The following SETD2 variants were observed in gnomAD, a reference collection of about 807,000 sequenced individuals.
SETD2 encodes SET domain containing 2, histone lysine methyltransferase.
SETD2 carries 31 observed loss-of-function variants against 242.1 expected under a neutral mutation model. The observed-to-expected ratio is 0.13, with a 90% CI of 0.10 to 0.17. The LOEUF is 0.17. Among genes scored for constraint, SETD2 ranks in the 10% least tolerant of loss-of-function variants. SETD2 has a pLI of 1.00. For missense variants in SETD2, 2,481 were observed against 3,046.3 expected, an observed-to-expected ratio of 0.81 and a Z score of 4.37; for synonymous variants, 1,006 against 1,066.5, an observed-to-expected ratio of 0.94 and a Z score of 1.11.
chr3:47,026,727 G>A (rs555128750), intron 18 of SETD2, among the ~76,000 whole-genome samples: 75 of 151,918 alleles, frequency 4.9e-4, no homozygotes, highest in African/African-American at 5.1e-4. Flanking sequence ...AACACCACAC[G>A]TTCTTACTCA....
chr3:47,153,053 C>G (rs2044032175), intron 1 of SETD2, among the ~76,000 whole-genome samples: 1 of 151,948 alleles, frequency 6.6e-6, no homozygotes, highest in Non-Finnish European at 1.5e-5. Context: ...GGCATGGTGG[C>G]TCACGCCTGT....
At chr3:47,148,059 C>A (rs2043901162) in intron 1 of SETD2, among the ~76,000 whole-genome samples, 1 of 151,770 alleles carries the variant, frequency 6.6e-6, no homozygotes, top group South Asian at 2.1e-4. Flanking sequence ...TTTAGTAAAC[C>A]TAGGCTTCAA....
intron 1 of SETD2, among the ~76,000 whole-genome samples, chr3:47,139,883 T>A (rs1234077515): frequency 6.6e-6 from 1 of 152,202 alleles, no homozygotes; most frequent in Admixed American, 6.5e-5. Flanking sequence ...AGACTTGATA[T>A]ACAAGCACTC....
At chr3:47,136,429 G>A (rs567512975) in intron 1 of SETD2, among the ~76,000 whole-genome samples, 117 of 152,022 alleles carry the variant, frequency 7.7e-4, no homozygotes, top group African/African-American at 2.4e-3. Flanking sequence ...GCTGCTTCTC[G>A]ATAATAAAAT....
intron 7 of SETD2, among the ~76,000 whole-genome samples, chr3:47,102,330 G>A (rs966888130): frequency 1.3e-5 from 2 of 152,168 alleles, no homozygotes; most frequent in Non-Finnish European, 2.9e-5. Context: ...TCCACAGTAG[G>A]TTCTCCTTTT....
chr3:47,129,783 G>A (rs1466962639), intron 1 of SETD2, among the ~76,000 whole-genome samples: 1 of 152,076 alleles, frequency 6.6e-6, no homozygotes, highest in African/African-American at 2.4e-5. Flanking sequence ...TACTTGGGAG[G>A]CTGAGGCAGG....
At chr3:47,062,407 C>G (rs2107590620) in intron 13 of SETD2, 61 bp from the exon 14 acceptor site, 1 of 1,437,304 alleles carries the variant, frequency 7.0e-7, no homozygotes, top group Non-Finnish European at 9.5e-7. Context: ...GTGGACTTTT[C>G]TCCATCATGA....
At chr3:47,064,668 A>C (rs1420303898) in intron 13 of SETD2, 1 of 383,760 alleles carries the variant, frequency 2.6e-6, no homozygotes, top group Non-Finnish European at 5.4e-6. Context: ...TAGACTACGT[A>C]TTTCCTGAAG....
rs201639149 is a variant in SETD2 at position 47,122,102 on chromosome 3, G to C, written c.2534C>G (p.Ser845Ter). ...ICDSRNLTDHSKFACEEYKQS... is the reference protein window; with the variant it reads ...ICDSRNLTDH ...CTTATATTCTTCACATGCAAATTTT[G>C]AGTGATCTGTCAAATTTCTACTATC... The change falls in exon 3 of 21, where the codon TCA becomes TGA. Residue 845 changes from serine (S) to a stop codon, truncating the protein, a stop_gained. Transcript: ENST00000409792. LOFTEE classifies it high-confidence loss of function. 6.2e-7 allele frequency: 1 copy of C among 1,613,860 alleles called. No homozygotes were observed. Among genetic ancestry groups the C allele is most frequent in the Non-Finnish European group, 8.5e-7 (1 of 1,179,976 alleles).
At chr3:47,127,525 C>T (rs1330060329) in intron 1 of SETD2, 9 of 447,318 alleles carry the variant, frequency 2.0e-5, no homozygotes, top group Non-Finnish European at 4.0e-5. Context: ...TTCAGGAGTT[C>T]GAGACCACCC....
rs766455577 is a variant in SETD2 at position 47,106,493 on chromosome 3, T to TAAAAAAAAA, written c.4716-382_4716-374dup. ...CTGAAAAGTTAGAGGATTTTTGCTC[T>TAAAAAAAAA]AAAAAAAAAAAAAAAAAAAAAAAAA... On this transcript the variant is annotated intron_variant, in intron 5 of 20. Coordinates refer to ENST00000409792, the MANE Select transcript of SETD2 (RefSeq NM_014159.7). 3.3e-4 allele frequency among the ~76,000 whole-genome samples: 19 copies of TAAAAAAAAA among 57,264 alleles called. 2 individuals are homozygous for TAAAAAAAAA. Among genetic ancestry groups the TAAAAAAAAA allele is most frequent in the African/African-American group, 1.1e-3 (16 of 14,920 alleles). 37.6% of individuals were successfully genotyped at this position (57,264 alleles called of 152,430 possible).
intron 8 of SETD2, 47 bp downstream of exon 8, chr3:47,101,411 C>T: frequency 1.0e-6 from 1 of 986,712 alleles, no homozygotes; most frequent in Non-Finnish European, 1.6e-6. Context: ...ATCTGAACAG[C>T]CTATTTCCCC....
At chr3:47,048,730 C>T (rs926655830) in intron 15 of SETD2, among the ~76,000 whole-genome samples, 1 of 152,116 alleles carries the variant, frequency 6.6e-6, no homozygotes, top group Non-Finnish European at 1.5e-5. Context: ...AGCAGTGGTG[C>T]GATCTGGGCT....
At chr3:47,069,143 T>C (rs1383178606) in intron 12 of SETD2, among the ~76,000 whole-genome samples, 2 of 152,148 alleles carry the variant, frequency 1.3e-5, no homozygotes, top group Non-Finnish European at 2.9e-5. Context: ...ATGAGGTAAG[T>C]ACTATTACCT....
intron 14 of SETD2, among the ~76,000 whole-genome samples, chr3:47,058,209 G>A (rs1425758699): frequency 6.6e-6 from 1 of 152,016 alleles, no homozygotes; most frequent in Non-Finnish European, 1.5e-5. Flanking sequence ...CAGGCATGAT[G>A]AGGCAGGCAG....
At chr3:47,103,662 T>C (rs1162667192) in intron 6 of SETD2, among the ~76,000 whole-genome samples, 9 of 151,950 alleles carry the variant, frequency 5.9e-5, no homozygotes, top group Non-Finnish European at 1.2e-4. Flanking sequence ...GTGAATTAAA[T>C]TAACCCAATC....
At chr3:47,164,298 C>A (rs982007035), upstream of SETD2, among the ~76,000 whole-genome samples, 3 of 152,136 alleles carry the variant, frequency 2.0e-5, no homozygotes, top group African/African-American at 4.8e-5. The surrounding 1 kb of genome is among the most constrained non-coding windows in gnomAD (Gnocchi z 5.4). Context: ...CCAGGCCGAC[C>A]GTGCCTGTGG....
In SETD2 at chr3:47,056,940, C is replaced by A. The variant is rs2107575167; in HGVS notation, c.6844G>T (p.Val2282Leu). ...VWDSNQQSVS[V>L]QQQYSPAQSQ... ...TGTGCAGGAGAGTACTGCTGCTGTA[C>A]ACTGACAGACTGTTGGTTTGAATCC... is the stretch of plus-strand genomic sequence containing the variant. Residue 2282 changes from valine to leucine, a missense_variant, in exon 15 of 21, where the codon GTA (valine) becomes TTA (leucine). By Grantham distance (32) the Val-to-Leu change is conservative. Transcript: ENST00000409792. 1 of 1,614,248 alleles carries A rather than the reference C, an allele frequency of 6.2e-7. No homozygotes were observed. Among genetic ancestry groups the A allele is most frequent in the Admixed American group, 1.7e-5 (1 of 60,024 alleles).
At chr3:47,118,618 T>A (rs2042953919) in intron 3 of SETD2, among the ~76,000 whole-genome samples, 1 of 147,682 alleles carries the variant, frequency 6.8e-6, no homozygotes, top group Non-Finnish European at 1.5e-5. Context: ...TGAGCTGAGA[T>A]CACGCCACTG....
Sources: allele counts gnomAD v4.1 joint callset (sites outside exome capture counted in the v4.1 genomes callset), GRCh38; gene constraint gnomAD v4.1.1; non-coding constraint Gnocchi (gnomAD v3.1); transcripts MANE v1.5; gene names NCBI Gene and HGNC (gene_info 2026-07-23, HGNC 2026-07-21).